Variants in NCKAP5 observed in about 807,000 individuals in gnomAD.
The protein encoded by NCKAP5 is NCK associated protein 5, also known as nck-associated protein 5.
A neutral mutation model predicts 167.0 loss-of-function variants in NCKAP5; 92 were observed. That is an observed-to-expected ratio of 0.55 (90% CI 0.47 to 0.66). The LOEUF (loss-of-function observed/expected upper bound fraction) is 0.66, where lower values mean the gene tolerates loss of function less well. Among genes scored for constraint, NCKAP5 ranks in the 30% least tolerant of loss-of-function variants. The pLI is 0.00. For synonymous variants in NCKAP5, 891 were observed against 877.4 expected (o/e 1.02, Z -0.27); for missense variants, 2,378 against 2,315.0 (o/e 1.03, Z -0.56).
chr2:132,864,492 C>A (rs1690184871), intron 10 of NCKAP5, among the ~76,000 whole-genome samples: 1 of 152,158 alleles, frequency 6.6e-6, no homozygotes, highest in Non-Finnish European at 1.5e-5. Context: ...GTCTAATGGG[C>A]TCCTGTGCAT....
intron 1 of NCKAP5, among the ~76,000 whole-genome samples, chr2:133,562,282 G>C (rs1253070265): frequency 1.3e-5 from 2 of 152,040 alleles, no homozygotes; most frequent in Non-Finnish European, 2.9e-5. Context: ...GAGCATGTTA[G>C]AGCTATTGTT....
At chr2:133,171,092 T>C (rs2084229482) in intron 5 of NCKAP5, among the ~76,000 whole-genome samples, 1 of 152,218 alleles carries the variant, frequency 6.6e-6, no homozygotes, top group Non-Finnish European at 1.5e-5. Flanking sequence ...GCTAGAATTC[T>C]AGACATTTAA....
chr2:133,147,723 C>CTTTCT (rs2083250406), intron 5 of NCKAP5, among the ~76,000 whole-genome samples: 1 of 152,100 alleles, frequency 6.6e-6, no homozygotes, highest in African/African-American at 2.4e-5. Flanking sequence ...ACACCCTGAC[C>CTTTCT]TTTCACATGG....
At chr2:132,874,895 GTTTATTTTATTTTAT>G (rs72377677) in intron 9 of NCKAP5, among the ~76,000 whole-genome samples, 425 of 150,402 alleles carry the variant, frequency 2.8e-3, no homozygotes, top group African/African-American at 9.1e-3. Flanking sequence ...CTGGGATATG[GTTTATTTTATTTTAT>G]TTTATTTTAT....
chr2:132,834,216 T>C (rs899245022), intron 11 of NCKAP5, among the ~76,000 whole-genome samples: 4 of 152,200 alleles, frequency 2.6e-5, no homozygotes, highest in Non-Finnish European at 4.4e-5. Flanking sequence ...ATTTTTTAGA[T>C]ACAGGGTCTG....
chr2:133,545,654 T>C (rs570170433), intron 2 of NCKAP5, among the ~76,000 whole-genome samples: 1 of 152,156 alleles, frequency 6.6e-6, no homozygotes, highest in South Asian at 2.1e-4. Context: ...AATGCTTTCA[T>C]TGGCACTCAC....
intron 3 of NCKAP5, among the ~76,000 whole-genome samples, chr2:133,422,464 GA>G (rs1419364493): frequency 1.3e-5 from 2 of 152,156 alleles, no homozygotes; most frequent in Non-Finnish European, 2.9e-5. Context: ...AATCGAGGGG[GA>G]TTCTTCCAAG....
chr2:132,931,141 G>A (rs1001486729), intron 8 of NCKAP5: 2 of 152,210 alleles, frequency 1.3e-5, no homozygotes, highest in Non-Finnish European at 2.9e-5. Flanking sequence ...CTGTGACAGT[G>A]CAGCCAGGAA....
chr2:133,170,739 C>T lies in NCKAP5; in HGVS notation c.208-40628G>A, dbSNP rs559544254. 2.0e-5 allele frequency among the ~76,000 whole-genome samples: 3 copies of T among 152,294 alleles called. No homozygotes were observed. In the South Asian group the frequency reaches 6.2e-4, roughly 32 times the overall value. ...GCAATGGCGATGGGAGTGACTATTCCAAAGCCATGGCTTCTTCTTTTCTAC... is the reference window on the plus strand; with the variant it reads ...GCAATGGCGATGGGAGTGACTATTCTAAAGCCATGGCTTCTTCTTTTCTAC... On this transcript the variant is annotated intron_variant, in intron 5 of 19. Coordinates refer to ENST00000409261, the MANE Select transcript of NCKAP5 (RefSeq NM_207363.3).
intron 3 of NCKAP5, among the ~76,000 whole-genome samples, chr2:133,308,340 G>A (rs938032592): frequency 3.3e-5 from 5 of 151,636 alleles, no homozygotes; most frequent in African/African-American, 7.3e-5. Flanking sequence ...CGCCCGCCTC[G>A]GCCTCCCAAA....
chr2:133,343,616 C>G (rs752100542), intron 3 of NCKAP5, among the ~76,000 whole-genome samples: 3 of 152,138 alleles, frequency 2.0e-5, no homozygotes, highest in Non-Finnish European at 4.4e-5. Context: ...ATCCATTCAA[C>G]CATCCATTTA....
the NCKAP5 span, among the ~76,000 whole-genome samples, chr2:133,622,706 T>A: frequency 1.3e-5 from 2 of 152,040 alleles, no homozygotes; most frequent in South Asian, 4.1e-4. Flanking sequence ...ATGGGTAGAA[T>A]CAGTATTGTA....
chr2:133,262,984 A>G (rs564799599), intron 4 of NCKAP5, among the ~76,000 whole-genome samples: 1 of 152,288 alleles, frequency 6.6e-6, no homozygotes, highest in South Asian at 2.1e-4. Context: ...CTCATGTTTT[A>G]TAGAAAAATT....
intron 5 of NCKAP5, among the ~76,000 whole-genome samples, chr2:133,134,922 G>T (rs192781893): frequency 6.6e-6 from 1 of 152,170 alleles, no homozygotes; most frequent in Non-Finnish European, 1.5e-5. Flanking sequence ...AGAACTGTGC[G>T]TGTAAAAGCA....
At chr2:132,767,712 C>T in intron 16 of NCKAP5, among the ~76,000 whole-genome samples, 1 of 152,176 alleles carries the variant, frequency 6.6e-6, no homozygotes, top group East Asian at 1.9e-4. Context: ...ATGAAACACC[C>T]TGGAAAAATG....
intron 10 of NCKAP5, among the ~76,000 whole-genome samples, chr2:132,866,158 C>A (rs187067107): frequency 6.6e-6 from 1 of 152,250 alleles, no homozygotes; most frequent in Admixed American, 6.5e-5. Context: ...TGCAGATAAG[C>A]CTGAGACTGT....
At chr2:133,621,508 A>C in the NCKAP5 span, among the ~76,000 whole-genome samples, 13 of 152,126 alleles carry the variant, frequency 8.5e-5, no homozygotes, top group African/African-American at 3.1e-4. Context: ...TATTTCCATA[A>C]ACTGGAAAAC....
chr2:133,190,309 T>C (rs1344511944), intron 5 of NCKAP5, among the ~76,000 whole-genome samples: 1 of 152,202 alleles, frequency 6.6e-6, no homozygotes, highest in African/African-American at 2.4e-5. Context: ...TCCATGTTCA[T>C]GGATAGGAAG....
At chr2:133,056,022 A>G (rs1214654682) in intron 6 of NCKAP5, among the ~76,000 whole-genome samples, 1 of 152,198 alleles carries the variant, frequency 6.6e-6, no homozygotes, top group Admixed American at 6.5e-5. Flanking sequence ...TCCCTGTGCC[A>G]ATGTTTCCAT....
Sources: allele counts gnomAD v4.1 joint callset (sites outside exome capture counted in the v4.1 genomes callset), GRCh38; gene constraint gnomAD v4.1.1; transcripts MANE v1.5; gene names NCBI Gene and HGNC (gene_info 2026-07-23, HGNC 2026-07-21).